GADL1: variants seen among roughly 807,000 people sequenced by gnomAD.
GADL1 encodes GAD like acidic amino acid decarboxylase 1, also known as acidic amino acid decarboxylase GADL1.
A neutral mutation model predicts 69.5 loss-of-function variants in GADL1; 71 were observed. The ratio of observed to expected loss-of-function variants is 1.02; its 90% CI spans 0.84 to 1.25. The LOEUF (loss-of-function observed/expected upper bound fraction) is 1.25, where lower values mean the gene tolerates loss of function less well. Among genes scored for constraint, GADL1 ranks in the 50% most tolerant of loss-of-function variants. The pLI, the probability that GADL1 is intolerant of heterozygous loss-of-function variation, is 0.00. For synonymous variants in GADL1, 254 were observed against 214.4 expected (o/e 1.18, Z -1.62); for missense variants, 737 against 631.8 (o/e 1.17, Z -1.79).
At chr3:30,803,626 G>A (rs76764189) in intron 11 of GADL1, among the ~76,000 whole-genome samples, 1,633 of 152,280 alleles carry the variant, frequency 0.011, 29 homozygotes, top group African/African-American at 0.037. Context: ...ATAAACAATT[G>A]TCCTGCAATA....
chr3:30,816,500 C>T lies in GADL1; in HGVS notation c.1051-15412G>A, dbSNP rs957497656. Among the ~76,000 whole-genome samples the T allele has an allele frequency of 1.8e-4, 26 of 142,030 alleles. 1 individual carries two copies. Among genetic ancestry groups the T allele is most frequent in the Non-Finnish European group, 3.0e-5 (2 of 67,466 alleles). The allele number at this position is 142,030 out of a possible 152,430, so 93.2% of individuals were successfully genotyped here. A position where few individuals can be genotyped will look rare whatever the true frequency, so the allele number is the denominator to read the frequency against. On this transcript the variant is annotated intron_variant, in intron 11 of 14. Coordinates refer to ENST00000282538, the MANE Select transcript of GADL1 (RefSeq NM_207359.3). Reference sequence around the variant, plus strand: ...CATTGTCCAGATCTGACTTTGCTCTCCCCAAGACCATATATTCTTAATTTG... The same window carrying T: ...CATTGTCCAGATCTGACTTTGCTCTTCCCAAGACCATATATTCTTAATTTG...
intron 1 of GADL1, among the ~76,000 whole-genome samples, chr3:30,884,605 CAGAA>C (rs1354829858): frequency 6.6e-6 from 1 of 152,010 alleles, no homozygotes; most frequent in South Asian, 2.1e-4. Context: ...CCATTCTGAG[CAGAA>C]AGAATCTTTG....
chr3:30,864,724 A>G (rs948095615), intron 1 of GADL1, among the ~76,000 whole-genome samples: 7 of 151,968 alleles, frequency 4.6e-5, no homozygotes, highest in African/African-American at 1.4e-4. Context: ...TCTAACTGCT[A>G]GAGTTTATAG....
chr3:30,785,502 C>T (rs1696770164), intron 13 of GADL1, among the ~76,000 whole-genome samples: 1 of 151,968 alleles, frequency 6.6e-6, no homozygotes. Flanking sequence ...CTGCCTCAGC[C>T]TCCCGAGTAG....
At chr3:30,815,143 C>T (rs1032404295) in intron 11 of GADL1, among the ~76,000 whole-genome samples, 5 of 152,006 alleles carry the variant, frequency 3.3e-5, no homozygotes, top group Non-Finnish European at 5.9e-5. Context: ...ATTTGAAAAT[C>T]AAGACCCATA....
At chr3:30,837,367 C>A (rs1284073184) in intron 9 of GADL1, among the ~76,000 whole-genome samples, 1 of 152,008 alleles carries the variant, frequency 6.6e-6, no homozygotes, top group Non-Finnish European at 1.5e-5. Context: ...CTTTAATAAG[C>A]CAGATAGGCT....
intron 6 of GADL1, among the ~76,000 whole-genome samples, chr3:30,844,963 AAACC>A (rs1698030646): frequency 2.0e-5 from 3 of 152,086 alleles, no homozygotes; most frequent in Admixed American, 6.5e-5. Context: ...TGCTGACTTG[AAACC>A]CTCTAAGGAG....
At chr3:30,885,923 T>A (rs1021859807) in intron 1 of GADL1, among the ~76,000 whole-genome samples, 1 of 152,080 alleles carries the variant, frequency 6.6e-6, no homozygotes, top group African/African-American at 2.4e-5. Context: ...TTTAAACTAA[T>A]ATTTATTTCT....
At chr3:30,871,641 A>G (rs1698483062) in intron 1 of GADL1, among the ~76,000 whole-genome samples, 1 of 151,806 alleles carries the variant, frequency 6.6e-6, no homozygotes, top group African/African-American at 2.4e-5. Context: ...TCTGGGAGGG[A>G]ACATGTTCCC....
chr3:30,752,822 A>AGT (rs10660870), intron 14 of GADL1, among the ~76,000 whole-genome samples: 78,823 of 151,806 alleles, frequency 0.52, 23,409 homozygotes, highest in African/African-American at 0.82. Flanking sequence ...GGAAGACAAG[A>AGT]GTTTTCTATT....
chr3:30,742,054 T>G (rs1287617905), intron 14 of GADL1, among the ~76,000 whole-genome samples: 2 of 152,164 alleles, frequency 1.3e-5, no homozygotes, highest in South Asian at 2.1e-4. Flanking sequence ...AGGGCCAGCA[T>G]TAACCACCAA....
intron 13 of GADL1, among the ~76,000 whole-genome samples, chr3:30,779,767 T>C (rs570447453): frequency 3.1e-4 from 47 of 152,338 alleles, no homozygotes; most frequent in Admixed American, 1.5e-3. Flanking sequence ...TATCAATTTA[T>C]TGCCTCTCAG....
intron 12 of GADL1, among the ~76,000 whole-genome samples, chr3:30,793,599 TAAG>T (rs2125503166): frequency 1.3e-5 from 2 of 152,292 alleles, no homozygotes; most frequent in East Asian, 3.9e-4. Flanking sequence ...TACTGTGGGG[TAAG>T]AACATATTAG....
At chr3:30,834,655 G>A (rs186265903) in intron 9 of GADL1, among the ~76,000 whole-genome samples, 14 of 152,174 alleles carry the variant, frequency 9.2e-5, no homozygotes, top group African/African-American at 3.4e-4. Flanking sequence ...TGAGACATGG[G>A]CTAAGGACTA....
Position 30,774,955 on chromosome 3 carries a change from CAGAG to C in GADL1, c.1392+3220_1392+3223del, listed in dbSNP as rs916674510. On this transcript the variant is annotated intron_variant, in intron 14 of 14. Transcript: ENST00000282538. ...AACTGGAAAAGGAGATGGCAGGAGG[CAGAG>C]AGACCAGAAAAGAGACAAATACAAT... 1.1e-4 allele frequency among the ~76,000 whole-genome samples: 16 copies of C among 152,052 alleles called. No individual in the cohort carries two copies. The East Asian group carries it at 1.2e-3, about 11-fold the overall frequency.
At chr3:30,773,731 AAAT>A (rs966079927) in intron 14 of GADL1, among the ~76,000 whole-genome samples, 1 of 152,218 alleles carries the variant, frequency 6.6e-6, no homozygotes, top group African/African-American at 2.4e-5. Context: ...TGCTATTTTA[AAAT>A]AATGCCTATG....
At chr3:30,838,453 C>T (rs944236563) in intron 9 of GADL1, among the ~76,000 whole-genome samples, 1 of 152,054 alleles carries the variant, frequency 6.6e-6, no homozygotes, top group East Asian at 1.9e-4. Flanking sequence ...TCCCAACCCC[C>T]CTCAAATAAC....
intron 13 of GADL1, among the ~76,000 whole-genome samples, chr3:30,780,780 A>G (rs542176243): frequency 6.6e-6 from 1 of 152,330 alleles, no homozygotes; most frequent in Middle Eastern, 3.4e-3. Flanking sequence ...AACATTTGAA[A>G]GCTTATAAAG....
At chr3:30,846,682 A>AACAAC (rs998139592) in intron 6 of GADL1, among the ~76,000 whole-genome samples, 1 of 152,114 alleles carries the variant, frequency 6.6e-6, no homozygotes, top group African/African-American at 2.4e-5. Context: ...GGATGTCTCT[A>AACAAC]ACAACACACA....
Sources: gnomAD v4.1 joint callset for allele counts (sites outside exome capture counted in the v4.1 genomes callset) on GRCh38, gnomAD v4.1.1 for gene constraint, MANE v1.5 for transcripts, NCBI Gene and HGNC (gene_info 2026-07-23, HGNC 2026-07-21) for gene names.